The following HMGCLL1 variants were observed in gnomAD, a reference collection of about 807,000 sequenced individuals.
The protein encoded by HMGCLL1 is 3-hydroxy-3-methylglutaryl-CoA lyase like 1, also known as 3-hydroxymethyl-3-methylglutaryl-CoA lyase, cytoplasmic.
HMGCLL1 carries 36 observed loss-of-function variants against 39.1 expected under a neutral mutation model. The ratio of observed to expected loss-of-function variants is 0.92; its 90% CI spans 0.71 to 1.22. HMGCLL1 has a LOEUF of 1.22. HMGCLL1 is among the 50% of genes most tolerant of loss of function. The probability of loss-of-function intolerance (pLI) is 0.00; values close to 1 mark genes in which losing one functional copy is unlikely to be tolerated. For synonymous variants in HMGCLL1, 149 were observed against 144.0 expected (o/e 1.03, Z -0.25); for missense variants, 451 against 416.5 (o/e 1.08, Z -0.72).
rs73453217 is a variant in HMGCLL1 at position 55,569,268 on chromosome 6, A to C, written c.108+9680T>G. The stretch of plus-strand genomic sequence containing the variant: ...CATGGGCAGGAGCCAGGAGCTCTGG[A>C]AAGACAGATTAGAGGAAACATGACC... On this transcript the variant is annotated intron_variant, in intron 1 of 8. Coordinates refer to ENST00000274901, the MANE Select transcript of HMGCLL1 (RefSeq NM_001042406.2). 3.3e-5 allele frequency among the ~76,000 whole-genome samples: 5 copies of C among 152,134 alleles called. 1 individual carries two copies. Among genetic ancestry groups the C allele is most frequent in the African/African-American group, 1.2e-4 (5 of 41,418 alleles).
the HMGCLL1 span, among the ~76,000 whole-genome samples, chr6:55,651,534 C>T: frequency 7.2e-5 from 11 of 152,094 alleles, no homozygotes; most frequent in African/African-American, 7.2e-5. Context: ...TTGCTAAGAG[C>T]TGCGCTGCCT....
the HMGCLL1 span, among the ~76,000 whole-genome samples, chr6:55,661,729 T>C: frequency 6.6e-6 from 1 of 151,738 alleles, no homozygotes; most frequent in Non-Finnish European, 1.5e-5. Context: ...TTTAAAAAGT[T>C]TTTTTTTCTA....
chr6:55,505,355 T>A (rs1168171649), intron 5 of HMGCLL1, among the ~76,000 whole-genome samples: 1 of 151,710 alleles, frequency 6.6e-6, no homozygotes, highest in Admixed American at 6.6e-5. Context: ...CCAGGAGTGA[T>A]GAAATTATAT....
chr6:55,635,163 A>T, the HMGCLL1 span, among the ~76,000 whole-genome samples: 2 of 152,116 alleles, frequency 1.3e-5, no homozygotes, highest in Non-Finnish European at 2.9e-5. Flanking sequence ...AGAAAAAAAA[A>T]ATCATATGCC....
chr6:55,666,419 G>A, the HMGCLL1 span, among the ~76,000 whole-genome samples: 1 of 151,574 alleles, frequency 6.6e-6, no homozygotes, highest in African/African-American at 2.4e-5. Flanking sequence ...TTAAAGTCAG[G>A]GTAGGCAAAG....
intron 7 of HMGCLL1, among the ~76,000 whole-genome samples, chr6:55,475,005 T>C (rs1765222788): frequency 6.6e-6 from 1 of 151,550 alleles, no homozygotes; most frequent in African/African-American, 2.4e-5. Flanking sequence ...AGAGAAGCAT[T>C]CCTTAATCTG....
chr6:55,650,084 CATATACATATATATATAT>C, the HMGCLL1 span, among the ~76,000 whole-genome samples: 1 of 48,070 alleles, frequency 2.1e-5, no homozygotes, highest in Non-Finnish European at 4.0e-5. Context: ...TATACACACA[CATATACATATATATATAT>C]ATATATATAT....
the HMGCLL1 span, among the ~76,000 whole-genome samples, chr6:55,620,608 C>G: frequency 2.6e-5 from 4 of 151,330 alleles, no homozygotes. Context: ...ATTTTGATTT[C>G]CTGTGCTTTT....
intron 7 of HMGCLL1, among the ~76,000 whole-genome samples, chr6:55,452,119 C>T (rs1207961133): frequency 6.6e-6 from 1 of 152,114 alleles, no homozygotes; most frequent in Non-Finnish European, 1.5e-5. Context: ...GAAGACACAG[C>T]ACTGCATGTT....
At chr6:55,549,567 T>A (rs1343504442) in intron 1 of HMGCLL1, among the ~76,000 whole-genome samples, 1 of 151,928 alleles carries the variant, frequency 6.6e-6, no homozygotes, top group African/African-American at 2.4e-5. Context: ...CAGCATGTCC[T>A]GATAGCCACA....
At chr6:55,620,477 C>T in the HMGCLL1 span, among the ~76,000 whole-genome samples, 1 of 151,982 alleles carries the variant, frequency 6.6e-6, no homozygotes, top group Non-Finnish European at 1.5e-5. Flanking sequence ...ATATGTTTAC[C>T]TTTTATATCT....
the HMGCLL1 span, among the ~76,000 whole-genome samples, chr6:55,652,185 C>A: frequency 1.3e-5 from 2 of 152,002 alleles, no homozygotes. Flanking sequence ...TTACTCCATC[C>A]CCTGAATGAA....
intron 7 of HMGCLL1, among the ~76,000 whole-genome samples, chr6:55,479,600 C>A (rs1284720360): frequency 6.6e-6 from 1 of 151,326 alleles, no homozygotes; most frequent in African/African-American, 2.4e-5. Context: ...CCTTTATATC[C>A]ATTTTTCATT....
the HMGCLL1 span, among the ~76,000 whole-genome samples, chr6:55,647,997 C>T: frequency 8.4e-6 from 1 of 118,734 alleles, no homozygotes; most frequent in Non-Finnish European, 1.7e-5. Context: ...TCAATTCCCA[C>T]CTATGAGTGA....
intron 3 of HMGCLL1, among the ~76,000 whole-genome samples, chr6:55,525,924 T>C (rs1021661699): frequency 3.3e-5 from 5 of 151,966 alleles, no homozygotes; most frequent in African/African-American, 1.2e-4. Context: ...AGCATTATTA[T>C]GGTCCAGAGT....
At chr6:55,666,083 C>A in the HMGCLL1 span, among the ~76,000 whole-genome samples, 17 of 151,482 alleles carry the variant, frequency 1.1e-4, 1 homozygote, top group African/African-American at 4.1e-4. Flanking sequence ...ACGCTCATAA[C>A]TTTTCAGCTC....
intron 5 of HMGCLL1, among the ~76,000 whole-genome samples, chr6:55,505,369 A>C (rs993269493): frequency 2.0e-5 from 3 of 151,682 alleles, no homozygotes; most frequent in Non-Finnish European, 3.0e-5. Flanking sequence ...ATTATATGTA[A>C]TCTCAAATAA....
At chr6:55,451,563 AC>A in intron 7 of HMGCLL1, among the ~76,000 whole-genome samples, 2 of 118,792 alleles carry the variant, frequency 1.7e-5, no homozygotes, top group Non-Finnish European at 3.6e-5. Context: ...AAAAACAAAA[AC>A]AAAAACAAAA....
the HMGCLL1 span, among the ~76,000 whole-genome samples, chr6:55,641,878 T>TTA: frequency 2.3e-5 from 3 of 129,782 alleles, no homozygotes; most frequent in African/African-American, 8.4e-5. Context: ...TTTTTTTTAT[T>TTA]TTTATTTATT....
Sources: gnomAD v4.1 joint callset for allele counts (sites outside exome capture counted in the v4.1 genomes callset) on GRCh38, gnomAD v4.1.1 for gene constraint, MANE v1.5 for transcripts, NCBI Gene and HGNC (gene_info 2026-07-23, HGNC 2026-07-21) for gene names.